The following NCALD variants were observed in gnomAD, a reference collection of about 807,000 sequenced individuals.
The protein encoded by NCALD is neurocalcin delta.
In NCALD, 10 loss-of-function variants were observed where a neutral mutation model predicts 18.6. That is an observed-to-expected ratio of 0.54 (90% CI 0.33 to 0.91). NCALD has a LOEUF of 0.91. Among genes scored for constraint, NCALD ranks in the 40% least tolerant of loss-of-function variants. The pLI, the probability that NCALD is intolerant of heterozygous loss-of-function variation, is 0.03. For synonymous variants in NCALD, 88 were observed against 87.4 expected (o/e 1.01, Z -0.04); for missense variants, 184 against 247.6 (o/e 0.74, Z 1.72).
intron 1 of NCALD, among the ~76,000 whole-genome samples, chr8:101,758,222 T>C (rs1810966456): frequency 6.6e-6 from 1 of 152,144 alleles, no homozygotes; most frequent in African/African-American, 2.4e-5. Context: ...CCAGCCTGCC[T>C]TGCCTAAAGC....
intron 4 of NCALD, among the ~76,000 whole-genome samples, chr8:101,884,599 C>T (rs1038119799): frequency 5.9e-5 from 9 of 152,178 alleles, no homozygotes; most frequent in African/African-American, 2.2e-4. Flanking sequence ...CTCCAGCAAA[C>T]ACCATTCTCC....
At chr8:101,834,709 C>G (rs1814337517) in intron 4 of NCALD, among the ~76,000 whole-genome samples, 1 of 152,168 alleles carries the variant, frequency 6.6e-6, no homozygotes, top group African/African-American at 2.4e-5. Context: ...AATGCCTTCC[C>G]CCTAAATAGT....
At chr8:101,919,042 A>G (rs1327441728) in intron 2 of NCALD, among the ~76,000 whole-genome samples, 4 of 152,224 alleles carry the variant, frequency 2.6e-5, no homozygotes, top group Admixed American at 1.3e-4. Context: ...TAAAATTTAT[A>G]TAGAACCAAA....
At chr8:101,769,031 G>A (rs920956514) in intron 1 of NCALD, among the ~76,000 whole-genome samples, 4 of 152,168 alleles carry the variant, frequency 2.6e-5, no homozygotes, top group African/African-American at 9.7e-5. Flanking sequence ...TGAGGTGATG[G>A]TGGAAGCAAG....
chr8:101,870,897 A>ACCC (rs59654249), intron 4 of NCALD, among the ~76,000 whole-genome samples: 5 of 24,948 alleles, frequency 2.0e-4, no homozygotes, highest in African/African-American at 2.8e-4. Context: ...CACCGCCCCC[A>ACCC]CCCCCCCCCC....
rs1299745414 is a variant in NCALD at position 101,967,961 on chromosome 8, C to T, written c.-156-52103G>A. On this transcript the variant is annotated intron_variant, in intron 2 of 6. Transcript: ENST00000311028. ...TCAGCAACCTCCCCTCTGACAACCCCAGTGTAGTGTGACACCCAGATCACT... is the reference window on the plus strand; with the variant it reads ...TCAGCAACCTCCCCTCTGACAACCCTAGTGTAGTGTGACACCCAGATCACT... Among the ~76,000 whole-genome samples the T allele has an allele frequency of 3.3e-5, 5 of 152,140 alleles. No individual in the cohort carries two copies. The East Asian group carries it at 7.7e-4, about 23-fold the overall frequency.
chr8:101,718,390 A>C (rs1816187396), intron 2 of NCALD, among the ~76,000 whole-genome samples: 1 of 152,148 alleles, frequency 6.6e-6, no homozygotes, highest in Non-Finnish European at 1.5e-5. Context: ...TACCTTCTGC[A>C]TATTCTCTGC....
At chr8:102,102,984 T>C (rs935566124) in intron 1 of NCALD, among the ~76,000 whole-genome samples, 2 of 152,102 alleles carry the variant, frequency 1.3e-5, no homozygotes, top group African/African-American at 4.8e-5. Flanking sequence ...AAGACGCTGA[T>C]TGATAAACCA....
rs1719446170 is a variant in NCALD at position 101,790,888 on chromosome 8, A to G, written c.-46T>C. Reference sequence around the variant, plus strand: ...TCACTCAGAAGAAGTGCAAGATTTAACAGTCCATGCTCTGCAGCCCCTGGA... The same window carrying G: ...TCACTCAGAAGAAGTGCAAGATTTAGCAGTCCATGCTCTGCAGCCCCTGGA... On this transcript the variant is annotated 5_prime_UTR_variant, in exon 1 of 4. Coordinates refer to ENST00000220931, the MANE Select transcript of NCALD (RefSeq NM_032041.3). 6.6e-6 allele frequency: 1 copy of G among 152,288 alleles called. No individual in the cohort carries two copies. Among genetic ancestry groups the G allele is most frequent in the Admixed American group, 6.5e-5 (1 of 15,282 alleles). 9.4% of individuals were successfully genotyped at this position (152,288 alleles called of 1,614,324 possible).
At chr8:101,855,333 G>T (rs1467137405) in intron 4 of NCALD, among the ~76,000 whole-genome samples, 1 of 152,136 alleles carries the variant, frequency 6.6e-6, no homozygotes, top group East Asian at 1.9e-4. Flanking sequence ...GCACTAGATT[G>T]CTCATGTGAG....
chr8:101,856,962 C>T (rs1815344405), intron 4 of NCALD, among the ~76,000 whole-genome samples: 1 of 152,140 alleles, frequency 6.6e-6, no homozygotes, highest in African/African-American at 2.4e-5. Flanking sequence ...TAATTCCTTC[C>T]AGTGTAAATA....
intron 3 of NCALD, chr8:101,690,864 A>T (rs781333023): frequency 1.0e-6 from 1 of 985,138 alleles, no homozygotes; most frequent in Non-Finnish European, 1.2e-6. Flanking sequence ...AACACTTTGC[A>T]GTCTCTCAGG....
intron 2 of NCALD, among the ~76,000 whole-genome samples, chr8:101,968,049 G>A (rs1000414872): frequency 4.6e-5 from 7 of 152,162 alleles, no homozygotes; most frequent in African/African-American, 1.7e-4. Context: ...CCCTTAAGAG[G>A]TGTTAAGCAA....
chr8:101,878,803 C>T (rs1816338706), intron 4 of NCALD, among the ~76,000 whole-genome samples: 2 of 152,150 alleles, frequency 1.3e-5, no homozygotes, highest in South Asian at 2.1e-4. Flanking sequence ...AAGATCTAAT[C>T]CAAGCTACTT....
chr8:101,695,233 G>A (rs76053595), intron 2 of NCALD, among the ~76,000 whole-genome samples: 18 of 152,348 alleles, frequency 1.2e-4, no homozygotes, highest in African/African-American at 4.3e-4. Flanking sequence ...TTGCAGAGGT[G>A]TTGCGGGGAA....
intron 1 of NCALD, among the ~76,000 whole-genome samples, chr8:101,733,708 T>C (rs1816946590): frequency 6.6e-6 from 1 of 152,068 alleles, no homozygotes; most frequent in African/African-American, 2.4e-5. Context: ...ATGAAAGTGA[T>C]AGATGCAAGA....
chr8:101,967,840 G>GACACACACACACAC (rs34321706), intron 2 of NCALD, among the ~76,000 whole-genome samples: 6 of 147,906 alleles, frequency 4.1e-5, no homozygotes, highest in African/African-American at 1.5e-4. Context: ...TCTTAAAATT[G>GACACACACACACAC]ACACACACAC....
intron 1 of NCALD, among the ~76,000 whole-genome samples, chr8:102,049,292 G>T (rs75651856): frequency 6.9e-4 from 105 of 152,320 alleles, no homozygotes; most frequent in African/African-American, 2.5e-3. Context: ...AGGGCCAACC[G>T]CATGGATCCA....
At chr8:101,919,426 C>G (rs184016139) in intron 2 of NCALD, among the ~76,000 whole-genome samples, 4 of 152,162 alleles carry the variant, frequency 2.6e-5, no homozygotes, top group Non-Finnish European at 5.9e-5. Flanking sequence ...CTATAAGAAT[C>G]CTAGAAGAAA....
Sources: allele counts gnomAD v4.1 joint callset (sites outside exome capture counted in the v4.1 genomes callset), GRCh38; gene constraint gnomAD v4.1.1; transcripts MANE v1.5; gene names NCBI Gene and HGNC (gene_info 2026-07-23, HGNC 2026-07-21).